DGKI: variants seen among roughly 807,000 people sequenced by gnomAD.
DGKI encodes the protein diacylglycerol kinase iota.
In DGKI, 55 loss-of-function variants were observed where a neutral mutation model predicts 147.5. The ratio of observed to expected loss-of-function variants is 0.37; its 90% CI spans 0.30 to 0.47. The LOEUF is 0.47. Ranked by LOEUF, DGKI falls within the 20% of genes least tolerant of loss-of-function variation. DGKI has a pLI of 1.00. For synonymous variants in DGKI, 469 were observed against 477.1 expected (o/e 0.98, Z 0.22); for missense variants, 1,007 against 1,323.8 (o/e 0.76, Z 3.71).
intron 27 of DGKI, 21 bp from the exon 28 acceptor site, chr7:137,444,123 T>C (rs779519007): frequency 3.7e-6 from 5 of 1,348,656 alleles, no homozygotes; most frequent in Non-Finnish European, 5.1e-6. Context: ...ATAATAAGCA[T>C]GATCAATATT....
intron 1 of DGKI, among the ~76,000 whole-genome samples, chr7:137,824,637 T>C (rs1390470934): frequency 6.6e-6 from 1 of 152,022 alleles, no homozygotes; most frequent in Non-Finnish European, 1.5e-5. Context: ...AAGCGGTTGG[T>C]TGTACAGATT....
intron 20 of DGKI, among the ~76,000 whole-genome samples, chr7:137,546,849 ACTCT>A (rs778636167): frequency 6.6e-6 from 1 of 152,042 alleles, no homozygotes; most frequent in Non-Finnish European, 1.5e-5. Flanking sequence ...CCAGCCCAAG[ACTCT>A]CTCTGTCTGT....
intron 23 of DGKI, among the ~76,000 whole-genome samples, chr7:137,476,147 T>C (rs1248187720): frequency 6.6e-6 from 1 of 151,926 alleles, no homozygotes; most frequent in Admixed American, 6.5e-5. Context: ...CGATGTCAAG[T>C]AGAACAGGTA....
At chr7:137,485,728 G>C (rs892596858) in intron 22 of DGKI, among the ~76,000 whole-genome samples, 15 of 152,030 alleles carry the variant, frequency 9.9e-5, no homozygotes, top group Non-Finnish European at 1.9e-4. Flanking sequence ...AGGCAATTTT[G>C]TTCTGATAAA....
At chr7:137,843,064 C>T (rs1011769813) in intron 1 of DGKI, among the ~76,000 whole-genome samples, 15 of 152,276 alleles carry the variant, frequency 9.9e-5, no homozygotes, top group African/African-American at 3.6e-4. Flanking sequence ...CTCTATGCCT[C>T]AAGTTCATTT....
At chr7:137,465,779 G>A (rs1327914965) in intron 26 of DGKI, 129 bp downstream of exon 26, 1 of 1,281,124 alleles carries the variant, frequency 7.8e-7, no homozygotes, top group East Asian at 2.6e-5. Flanking sequence ...ACCACTCTAA[G>A]GAAACACAAC....
rs372822175 is a variant in DGKI, at chr7:137,609,482, A to G, written c.1068+53T>C. 900 of 1,388,754 alleles carry G rather than the reference A, an allele frequency of 6.5e-4. 4 individuals are homozygous for G. Among genetic ancestry groups the G allele is most frequent in the East Asian group, 2.2e-3 (94 of 43,654 alleles). The allele number at this position is 1,388,754 out of a possible 1,614,324, so 86.0% of individuals were successfully genotyped here. A position where few individuals can be genotyped will look rare whatever the true frequency, so the allele number is the denominator to read the frequency against. ...TGGACCAGATCTCATAGGACAGAGT[A>G]GACTATGGAAAGAAAGTGGAAATTC... On this transcript the variant is annotated intron_variant, in intron 9 of 32. Coordinates refer to ENST00000614521, the MANE Select transcript of DGKI (RefSeq NM_001321708.2).
At chr7:137,661,400 GA>G (rs1822422705) in intron 3 of DGKI, among the ~76,000 whole-genome samples, 1 of 152,138 alleles carries the variant, frequency 6.6e-6, no homozygotes, top group Admixed American at 6.5e-5. Flanking sequence ...TGAGCAAAGG[GA>G]TGACAGCCAG....
chr7:137,779,337 T>C (rs1234664132), intron 1 of DGKI, among the ~76,000 whole-genome samples: 1 of 152,138 alleles, frequency 6.6e-6, no homozygotes, highest in African/African-American at 2.4e-5. Context: ...TAAAAATTAA[T>C]TCAAGATGAA....
In DGKI at chr7:137,610,005, T is replaced by C. The variant is rs1014774224; in HGVS notation, c.994-396A>G. On this transcript the variant is annotated intron_variant, in intron 8 of 32. Coordinates refer to ENST00000614521, the MANE Select transcript of DGKI (RefSeq NM_001321708.2). ...CATCTCCTCGTATGGAGATCACCTA[T>C]GTGGAAATGTAAAAAAGGAGGCCAT... 8.5e-5 allele frequency among the ~76,000 whole-genome samples: 13 copies of C among 152,282 alleles called. No homozygotes were observed. In the East Asian group the frequency reaches 1.7e-3, roughly 20 times the overall value.
At chr7:137,741,022 T>A (rs1365570499) in intron 1 of DGKI, among the ~76,000 whole-genome samples, 2 of 152,160 alleles carry the variant, frequency 1.3e-5, no homozygotes, top group African/African-American at 2.4e-5. Flanking sequence ...ATTTTTTTTT[T>A]ATTATTTTGA....
chr7:137,831,769 CA>C (rs1234631938), intron 1 of DGKI, among the ~76,000 whole-genome samples: 1 of 152,198 alleles, frequency 6.6e-6, no homozygotes, highest in Non-Finnish European at 1.5e-5. Context: ...AGCATTAACT[CA>C]AAAGTCCACA....
chr7:137,604,730 A>C (rs907020387), intron 10 of DGKI, among the ~76,000 whole-genome samples: 51 of 152,118 alleles, frequency 3.4e-4, no homozygotes, highest in African/African-American at 1.2e-3. Context: ...CTTTACCCTG[A>C]AGTTAAAGTC....
intron 17 of DGKI, among the ~76,000 whole-genome samples, chr7:137,576,043 C>CTTTTTTTTTTTTT (rs1386281275): frequency 3.0e-5 from 4 of 135,062 alleles, no homozygotes; most frequent in African/African-American, 1.1e-4. Flanking sequence ...TTTTCTTTTT[C>CTTTTTTTTTTTTT]TTTTTTTTTT....
intron 1 of DGKI, among the ~76,000 whole-genome samples, chr7:137,817,331 G>A (rs528723772): frequency 3.5e-4 from 53 of 152,152 alleles, no homozygotes; most frequent in African/African-American, 1.1e-3. Context: ...ACACATACTC[G>A]GTGCTTAATA....
chr7:137,599,300 G>A (rs952291359), intron 11 of DGKI, among the ~76,000 whole-genome samples: 9 of 152,062 alleles, frequency 5.9e-5, no homozygotes, highest in African/African-American at 1.4e-4. Context: ...GCTCAGAAAC[G>A]GGATTGAGCA....
chr7:137,540,214 C>T (rs1453511867), intron 20 of DGKI, among the ~76,000 whole-genome samples: 2 of 152,156 alleles, frequency 1.3e-5, no homozygotes, highest in Non-Finnish European at 2.9e-5. Flanking sequence ...CAAAACACTT[C>T]AACAAAAATT....
intron 23 of DGKI, among the ~76,000 whole-genome samples, chr7:137,472,208 C>T (rs1404478640): frequency 1.0e-5 from 1 of 96,328 alleles, no homozygotes; most frequent in Non-Finnish European, 1.9e-5. Flanking sequence ...TATATACATA[C>T]ACATATATAT....
intron 20 of DGKI, among the ~76,000 whole-genome samples, chr7:137,537,513 C>CAAT (rs796096548): frequency 3.9e-5 from 6 of 151,934 alleles, no homozygotes; most frequent in African/African-American, 1.4e-4. Context: ...CCTAGAAATA[C>CAAT]AATAATAATA....
Sources: allele counts gnomAD v4.1 joint callset (sites outside exome capture counted in the v4.1 genomes callset), GRCh38; gene constraint gnomAD v4.1.1; transcripts MANE v1.5; gene names NCBI Gene and HGNC (gene_info 2026-07-23, HGNC 2026-07-21).